Variants in CDH12 observed in about 807,000 individuals in gnomAD.
CDH12 encodes the protein cadherin-12.
Under a neutral mutation model 74.1 loss-of-function variants are expected in CDH12, and 41 were observed. The ratio of observed to expected loss-of-function variants is 0.55; its 90% confidence interval spans 0.43 to 0.72. The LOEUF is 0.72. Ranked by LOEUF, CDH12 falls within the 30% of genes least tolerant of loss-of-function variation. The pLI, the probability that CDH12 is intolerant of heterozygous loss-of-function variation, is 0.00. For synonymous variants in CDH12, 399 were observed against 355.0 expected (o/e 1.12, Z -1.39); for missense variants, 945 against 977.2 (o/e 0.97, Z 0.44).
chr5:22,043,309 G>A (rs1022328351), intron 5 of CDH12, among the ~76,000 whole-genome samples: 8 of 152,126 alleles, frequency 5.3e-5, no homozygotes, highest in African/African-American at 1.7e-4. Flanking sequence ...ATCAATAAAG[G>A]TGATTCTTTA....
At chr5:22,720,480 A>G (rs1322607741) in intron 1 of CDH12, among the ~76,000 whole-genome samples, 3 of 152,150 alleles carry the variant, frequency 2.0e-5, no homozygotes, top group Non-Finnish European at 4.4e-5. Flanking sequence ...AAATGAACTA[A>G]TATCGGAAAT....
chr5:21,808,224 G>A (rs1364909849), intron 9 of CDH12, among the ~76,000 whole-genome samples: 1 of 152,026 alleles, frequency 6.6e-6, no homozygotes, highest in Non-Finnish European at 1.5e-5. Context: ...GGCTTAGATT[G>A]GATCATAGCC....
At chr5:21,808,662 A>G (rs550733739) in intron 9 of CDH12, among the ~76,000 whole-genome samples, 2 of 152,110 alleles carry the variant, frequency 1.3e-5, no homozygotes, top group Non-Finnish European at 2.9e-5. Context: ...TAAAGATAAG[A>G]TGTTCAGAAC....
At chr5:22,510,279 C>T (rs941483900) in intron 1 of CDH12, among the ~76,000 whole-genome samples, 6 of 151,996 alleles carry the variant, frequency 3.9e-5, no homozygotes, top group African/African-American at 1.4e-4. Context: ...ATAGCTAATC[C>T]TAATATTCAT....
intron 5 of CDH12, among the ~76,000 whole-genome samples, chr5:21,999,962 C>T (rs531622306): frequency 1.3e-5 from 2 of 152,164 alleles, no homozygotes; most frequent in Admixed American, 1.3e-4. Context: ...AATGCAAATA[C>T]TTTTGCACTA....
chr5:22,403,655 T>G (rs562700787), intron 3 of CDH12, among the ~76,000 whole-genome samples: 1 of 152,294 alleles, frequency 6.6e-6, no homozygotes, highest in South Asian at 2.1e-4. Flanking sequence ...TGGTACTACC[T>G]TAATAGAATT....
At chr5:22,189,576 T>A (rs59561692) in intron 4 of CDH12, among the ~76,000 whole-genome samples, 41,545 of 151,738 alleles carry the variant, frequency 0.27, 6,822 homozygotes, top group South Asian at 0.38. Context: ...TCTGTACAAT[T>A]CTATTTCTTT....
chr5:22,847,347 C>G (rs1404378652), intron 1 of CDH12, among the ~76,000 whole-genome samples: 1 of 152,126 alleles, frequency 6.6e-6, no homozygotes, highest in Non-Finnish European at 1.5e-5. Context: ...GCAATCACAT[C>G]CCTTAAAATA....
At chr5:22,307,018 G>A (rs1332673057) in intron 3 of CDH12, among the ~76,000 whole-genome samples, 1 of 152,156 alleles carries the variant, frequency 6.6e-6, no homozygotes, top group Non-Finnish European at 1.5e-5. Flanking sequence ...GAACTAAGTG[G>A]CTTTTAGAGT....
chr5:22,097,635 C>G (rs2150245844), intron 4 of CDH12, among the ~76,000 whole-genome samples: 1 of 152,232 alleles, frequency 6.6e-6, no homozygotes, highest in East Asian at 1.9e-4. Flanking sequence ...GCTTCCCTGA[C>G]TGTTCTTGGG....
At chr5:22,759,374 T>A (rs1746091551) in intron 1 of CDH12, among the ~76,000 whole-genome samples, 1 of 152,036 alleles carries the variant, frequency 6.6e-6, no homozygotes, top group African/African-American at 2.4e-5. Context: ...TTTTAGGAGG[T>A]TTTTTTCCTG....
At chr5:22,804,726 TG>T (rs1748699058) in intron 1 of CDH12, among the ~76,000 whole-genome samples, 1 of 152,192 alleles carries the variant, frequency 6.6e-6, no homozygotes, top group Admixed American at 6.5e-5. Context: ...AAAATACCTT[TG>T]CAGCAACACA....
chr5:22,813,306 A>AGT (rs962114621), intron 1 of CDH12, among the ~76,000 whole-genome samples: 21 of 152,134 alleles, frequency 1.4e-4, no homozygotes, highest in African/African-American at 4.6e-4. Context: ...GTGAAGTGCA[A>AGT]GTGTTTTGAA....
At chr5:22,703,724 T>C (rs1195837942) in intron 1 of CDH12, among the ~76,000 whole-genome samples, 2 of 152,142 alleles carry the variant, frequency 1.3e-5, no homozygotes, top group African/African-American at 2.4e-5. Flanking sequence ...TGTGTCAAAA[T>C]GAGTATTGTG....
At chr5:22,412,974 T>C (rs573979202) in intron 2 of CDH12, among the ~76,000 whole-genome samples, 1 of 152,134 alleles carries the variant, frequency 6.6e-6, no homozygotes, top group African/African-American at 2.4e-5. Context: ...TTCCAGCCTA[T>C]GTTACTATGG....
intron 2 of CDH12, among the ~76,000 whole-genome samples, chr5:22,437,807 G>A (rs183432496): frequency 2.5e-3 from 387 of 151,878 alleles, no homozygotes; most frequent in African/African-American, 9.0e-3. Context: ...TTTAACCCAA[G>A]GTACTAGTAT....
intron 1 of CDH12, among the ~76,000 whole-genome samples, chr5:22,712,400 C>T (rs958535029): frequency 2.0e-5 from 3 of 151,874 alleles, no homozygotes; most frequent in Admixed American, 2.0e-4. Flanking sequence ...ATATAAGATA[C>T]ATTTTACAAG....
intron 3 of CDH12, among the ~76,000 whole-genome samples, chr5:22,349,939 T>G (rs182620113): frequency 6.6e-6 from 1 of 152,164 alleles, no homozygotes; most frequent in South Asian, 2.1e-4. Context: ...AACAATAGAA[T>G]AAATAAATGA....
intron 1 of CDH12, among the ~76,000 whole-genome samples, chr5:22,640,068 G>T (rs770539678): frequency 4.6e-5 from 7 of 152,044 alleles, no homozygotes; most frequent in Admixed American, 6.6e-5. Flanking sequence ...TAAAGAAAGT[G>T]GTAACAAAAT....
Sources: allele counts gnomAD v4.1 joint callset (sites outside exome capture counted in the v4.1 genomes callset), GRCh38; gene constraint gnomAD v4.1.1; transcripts MANE v1.5; gene names NCBI Gene and HGNC (gene_info 2026-07-23, HGNC 2026-07-21).